Variants in CPQ observed in about 807,000 individuals in gnomAD.
CPQ encodes the protein Ser-Met dipeptidase.
In CPQ, 37 loss-of-function variants were observed where a neutral mutation model predicts 45.7. That is an observed-to-expected ratio of 0.81 (90% CI 0.62 to 1.07). CPQ has a LOEUF of 1.07. Ranked by LOEUF, CPQ falls within the 50% of genes least tolerant of loss-of-function variation. The probability of loss-of-function intolerance (pLI) is 0.00; values close to 1 mark genes in which losing one functional copy is unlikely to be tolerated. For missense variants in CPQ, 537 were observed against 572.9 expected, an observed-to-expected ratio of 0.94 and a Z score of 0.64; for synonymous variants, 186 against 205.8, an observed-to-expected ratio of 0.90 and a Z score of 0.82.
chr8:96,781,722 G>A (rs541838106), intron 1 of CPQ, among the ~76,000 whole-genome samples: 22 of 152,110 alleles, frequency 1.4e-4, no homozygotes, highest in Non-Finnish European at 2.9e-4. Context: ...ATATGGGTGA[G>A]ACATAACACA....
In CPQ at chr8:97,039,967, G is replaced by C. The variant is rs1274731160; in HGVS notation, c.1053+10473G>C. Among the ~76,000 whole-genome samples, 4 of 152,162 alleles carry C rather than the reference G, an allele frequency of 2.6e-5. No homozygotes were observed. In the South Asian group the frequency reaches 6.2e-4, roughly 24 times the overall value. ...TACATGTGCATGTGTCTTTATAGCA[G>C]CATGATTTGTAGTCCTTTGGGTATA... On this transcript the variant is annotated intron_variant, in intron 6 of 7. Coordinates refer to ENST00000220763, the MANE Select transcript of CPQ (RefSeq NM_016134.4).
intron 1 of CPQ, among the ~76,000 whole-genome samples, chr8:96,768,097 G>A (rs908538816): frequency 5.3e-5 from 8 of 151,924 alleles, no homozygotes; most frequent in African/African-American, 1.9e-4. Flanking sequence ...TTCCTGCCGT[G>A]AAACATCTGC....
intron 4 of CPQ, among the ~76,000 whole-genome samples, chr8:96,950,418 G>A (rs1563536532): frequency 6.6e-6 from 1 of 152,088 alleles, no homozygotes; most frequent in Admixed American, 6.6e-5. Context: ...GCCTTGTGAG[G>A]AATACATGGG....
chr8:96,805,693 C>T (rs762312645), intron 2 of CPQ, among the ~76,000 whole-genome samples: 1 of 152,042 alleles, frequency 6.6e-6, no homozygotes, highest in Non-Finnish European at 1.5e-5. Flanking sequence ...CAATAATAAT[C>T]GCTGAGTCAG....
intron 5 of CPQ, among the ~76,000 whole-genome samples, chr8:96,984,423 T>A (rs2130393254): frequency 6.6e-6 from 1 of 152,300 alleles, no homozygotes; most frequent in Non-Finnish European, 1.5e-5. Flanking sequence ...AATGGATTGA[T>A]GCCATTATAA....
At chr8:97,024,978 G>A (rs893304918) in intron 5 of CPQ, among the ~76,000 whole-genome samples, 1 of 152,142 alleles carries the variant, frequency 6.6e-6, no homozygotes, top group Non-Finnish European at 1.5e-5. Context: ...GTTCTGGAGG[G>A]TTGAAACCGA....
intron 7 of CPQ, among the ~76,000 whole-genome samples, chr8:97,077,834 A>G (rs56270644): frequency 0.027 from 4,069 of 152,300 alleles, 79 homozygotes; most frequent in Admixed American, 0.062. Flanking sequence ...TAATTTCAGT[A>G]TATTCTGAAT....
chr8:97,054,830 A>C (rs1254484484), intron 6 of CPQ, among the ~76,000 whole-genome samples: 1 of 152,116 alleles, frequency 6.6e-6, no homozygotes, highest in Non-Finnish European at 1.5e-5. Flanking sequence ...AATGTATACT[A>C]TTCGGGTTAC....
At chr8:97,079,056 G>A (rs1327041399) in intron 7 of CPQ, among the ~76,000 whole-genome samples, 2 of 151,990 alleles carry the variant, frequency 1.3e-5, no homozygotes, top group African/African-American at 4.8e-5. Flanking sequence ...CTCCCACCTC[G>A]GCTGCCCAAA....
intron 1 of CPQ, among the ~76,000 whole-genome samples, chr8:96,692,818 T>C (rs1460409739): frequency 6.6e-6 from 1 of 152,056 alleles, no homozygotes; most frequent in Admixed American, 6.6e-5. Flanking sequence ...ATCAAGACCG[T>C]CCAGAAAACA....
chr8:97,085,384 T>TAA (rs1382439302), intron 7 of CPQ, among the ~76,000 whole-genome samples: 1 of 143,542 alleles, frequency 7.0e-6, no homozygotes, highest in Non-Finnish European at 1.5e-5. Context: ...ACCCTGGCTC[T>TAA]AAAAAAAAAA....
chr8:96,691,587 T>C (rs1421289677), intron 1 of CPQ, among the ~76,000 whole-genome samples: 1 of 152,208 alleles, frequency 6.6e-6, no homozygotes, highest in African/African-American at 2.4e-5. Context: ...GTATTGACTA[T>C]CTTTTCCTTA....
At chr8:96,995,442 G>T (rs934346954) in intron 5 of CPQ, among the ~76,000 whole-genome samples, 1 of 152,106 alleles carries the variant, frequency 6.6e-6, no homozygotes, top group African/African-American at 2.4e-5. Context: ...GCTGATTTAT[G>T]TGGGGGAAAA....
intron 3 of CPQ, among the ~76,000 whole-genome samples, chr8:96,848,466 C>A (rs755053772): frequency 5.9e-5 from 9 of 152,202 alleles, no homozygotes; most frequent in Non-Finnish European, 1.3e-4. Flanking sequence ...AACTACCTAT[C>A]AAGCTGCTGT....
At chr8:96,716,288 T>G (rs1809671941) in intron 1 of CPQ, among the ~76,000 whole-genome samples, 1 of 152,212 alleles carries the variant, frequency 6.6e-6, no homozygotes, top group African/African-American at 2.4e-5. Flanking sequence ...GTTGTTTCCA[T>G]GAGCAAATAT....
chr8:96,951,102 G>GT lies in CPQ; in HGVS notation c.850-14827dup, dbSNP rs1396897213. On this transcript the variant is annotated intron_variant, in intron 4 of 7. Transcript: ENST00000220763. ...TAATGCTTCTTTGACAGACCATTTA[G>GT]TTTTTTCTTTCATCTTTAAACAACG... Among the ~76,000 whole-genome samples the GT allele has an allele frequency of 3.9e-5, 6 of 152,044 alleles. No individual in the cohort carries two copies. The East Asian group carries it at 1.2e-3, about 29-fold the overall frequency.
In CPQ at chr8:97,019,583, A is replaced by G. The variant is rs12680894; in HGVS notation, c.962-9820A>G. Among the ~76,000 whole-genome samples, 257 of 152,038 alleles carry G rather than the reference A, an allele frequency of 1.7e-3. 3 individuals carry two copies. The highest frequency in any genetic ancestry group is 0.013 in the Admixed American group (195 of 15,290). On this transcript the variant is annotated intron_variant, in intron 5 of 7. Coordinates refer to ENST00000220763, the MANE Select transcript of CPQ (RefSeq NM_016134.4). ...AGTGAGCAGGAGTAGCTATTCTTTT[A>G]TCAGACAAAACAAACTTTAAGGCTC...
rs184773316 is a variant in CPQ at position 97,133,261 on chromosome 8, T to C, written c.1256-9759T>C. 208 of 152,306 alleles carry C rather than the reference T, an allele frequency of 1.4e-3. 1 individual carries two copies. The highest frequency in any genetic ancestry group is 4.9e-3 in the African/African-American group (203 of 41,568). 9.4% of individuals were successfully genotyped at this position (152,306 alleles called of 1,614,324 possible). A position where few individuals can be genotyped will look rare whatever the true frequency, so the allele number is the denominator to read the frequency against. ...GTAATTTATATTTATTTTCCCCCAA[T>C]ACTCCTCATACCTAGAGACCATGAA... is the stretch of plus-strand genomic sequence containing the variant. On this transcript the variant is annotated intron_variant, in intron 7 of 7. Coordinates refer to ENST00000220763, the MANE Select transcript of CPQ (RefSeq NM_016134.4).
At chr8:97,006,485 A>G (rs952651455) in intron 5 of CPQ, among the ~76,000 whole-genome samples, 1 of 152,198 alleles carries the variant, frequency 6.6e-6, no homozygotes. Flanking sequence ...CAAGGGAAAT[A>G]AAACCTATGC....
Sources: gnomAD v4.1 joint callset for allele counts (sites outside exome capture counted in the v4.1 genomes callset) on GRCh38, gnomAD v4.1.1 for gene constraint, MANE v1.5 for transcripts, NCBI Gene and HGNC (gene_info 2026-07-23, HGNC 2026-07-21) for gene names.